PDE10A: variants seen among roughly 807,000 people sequenced by gnomAD.
PDE10A encodes cAMP and cAMP-inhibited cGMP 3',5'-cyclic phosphodiesterase 10A.
PDE10A carries 39 observed loss-of-function variants against 97.7 expected under a neutral mutation model. The observed-to-expected ratio is 0.40, with a 90% confidence interval of 0.31 to 0.52. The LOEUF (loss-of-function observed/expected upper bound fraction) is 0.52. PDE10A is among the 20% of genes least tolerant of loss of function. The probability of loss-of-function intolerance (pLI) is 0.56; values close to 1 mark genes in which losing one functional copy is unlikely to be tolerated. For missense variants in PDE10A, 731 were observed against 1,047.8 expected (o/e 0.70, Z 4.17); for synonymous variants, 371 against 376.8 (o/e 0.98, Z 0.18).
rs1227928669 is a variant in PDE10A, at chr6:165,331,230, G to A, written c.*1795C>T. ...ATTACATCCATCCATATATATATGTGTGTGTATATATCTAGCCACAGTGGT... is the reference window on the plus strand; with the variant it reads ...ATTACATCCATCCATATATATATGTATGTGTATATATCTAGCCACAGTGGT... On this transcript the variant is annotated 3_prime_UTR_variant, in exon 22 of 22. Transcript: ENST00000539869. 2 of 151,944 alleles carry A rather than the reference G, an allele frequency of 1.3e-5. No individual in the cohort carries two copies. Among genetic ancestry groups the A allele is most frequent in the East Asian group, 1.9e-4 (1 of 5,188 alleles). The allele number at this position is 151,944 out of a possible 1,614,324, so 9.4% of individuals were successfully genotyped here.
intron 1 of PDE10A, among the ~76,000 whole-genome samples, chr6:165,547,280 G>A (rs767404320): frequency 6.6e-6 from 1 of 152,030 alleles, no homozygotes; most frequent in Non-Finnish European, 1.5e-5. Context: ...TTCAGCATCT[G>A]GCAGGAGTAC....
rs919603891 is a variant in PDE10A, at chr6:165,662,691, C to G, written c.121G>C (p.Gly41Arg). The change falls in exon 1 of 22, where the codon GGG (glycine) becomes CGG (arginine). Residue 41 changes from glycine to arginine, a missense_variant. Gly to Arg is a moderately radical substitution (Grantham distance 125). Transcript: ENST00000539869. ...GGGCCCGGGCCCGCCGCGCTCCCCC[C>G]GCCGGCCGCGCTGAGCCGGGGTTCC... ...RPEPRLSAAG[G>R]GSAAGPGPAP... 2 of 146,114 alleles carry G rather than the reference C, an allele frequency of 1.4e-5. No homozygotes were observed. Among genetic ancestry groups the G allele is most frequent in the Non-Finnish European group, 3.0e-5 (2 of 65,726 alleles). 9.1% of individuals were successfully genotyped at this position (146,114 alleles called of 1,614,324 possible).
At chr6:165,343,560 C>T in intron 18 of PDE10A, 58 bp from the exon 19 acceptor site, 2 of 1,170,854 alleles carry the variant, frequency 1.7e-6, no homozygotes, top group Non-Finnish European at 2.6e-6. Flanking sequence ...ATAGTAAGGA[C>T]TAGAAAGACT....
intron 1 of PDE10A, among the ~76,000 whole-genome samples, chr6:165,597,605 G>GCA (rs1296847109): frequency 1.3e-5 from 2 of 152,110 alleles, no homozygotes; most frequent in Non-Finnish European, 2.9e-5. Flanking sequence ...TCCAAACGTA[G>GCA]CACATAAACA....
At chr6:165,783,731 A>G (rs76588115) in intron 1 of PDE10A, among the ~76,000 whole-genome samples, 3,707 of 152,278 alleles carry the variant, frequency 0.024, 147 homozygotes, top group African/African-American at 0.081. Context: ...TGTGACAAAG[A>G]CTGAGATCTA....
At chr6:165,603,934 A>T (rs954318414) in intron 1 of PDE10A, among the ~76,000 whole-genome samples, 1 of 152,196 alleles carries the variant, frequency 6.6e-6, no homozygotes, top group Non-Finnish European at 1.5e-5. Flanking sequence ...GATCATGCAA[A>T]CTGGAGCTAT....
chr6:165,799,340 TTC>T (rs1251343080), intron 1 of PDE10A, among the ~76,000 whole-genome samples: 4 of 152,246 alleles, frequency 2.6e-5, no homozygotes, highest in Non-Finnish European at 4.4e-5. Context: ...GAGGTCATTT[TTC>T]TTTTTTACAA....
At chr6:165,634,151 A>G (rs1281241526) in intron 1 of PDE10A, among the ~76,000 whole-genome samples, 4 of 152,134 alleles carry the variant, frequency 2.6e-5, no homozygotes, top group African/African-American at 9.7e-5. Context: ...TTGCGTTTTT[A>G]GTATAATTTC....
In PDE10A at chr6:165,987,615, G is replaced by GA. The variant is rs751869225; in HGVS notation, c.-702dup. 631 of 408,832 alleles carry GA rather than the reference G, an allele frequency of 1.5e-3. 1 individual carries two copies. The highest frequency in any genetic ancestry group is 6.9e-3 in the African/African-American group (325 of 47,306). 25.3% of individuals were successfully genotyped at this position (408,832 alleles called of 1,614,324 possible). On this transcript the variant is annotated 5_prime_UTR_variant, in exon 1 of 20. Transcript: ENST00000366882. Reference sequence around the variant, plus strand: ...AAAGAGACAGTGAGAGAAAGAAAAAGAAAAAAAAAGGCAAGGCGCCGGGAG... The same window carrying GA: ...AAAGAGACAGTGAGAGAAAGAAAAAGAAAAAAAAAAGGCAAGGCGCCGGGAG...
At position 165,673,944 on chromosome 6, in the gene PDE10A, C is replaced by T. The variant is rs756404414; in HGVS notation, c.-614-130376G>A. 5.6e-4 allele frequency among the ~76,000 whole-genome samples: 84 copies of T among 151,146 alleles called. No homozygotes were observed. The Middle Eastern group carries it at 0.01, about 18-fold the overall frequency. On this transcript the variant is annotated intron_variant, in intron 1 of 19. Coordinates refer to the PDE10A transcript ENST00000366882. ...ATTAGTTTAGTTGAGTTTTGGATTA[C>T]GATAAAATAATGTGACTTGAAAGAT... is the stretch of plus-strand genomic sequence containing the variant.
rs1408339763 is a variant in PDE10A at position 165,708,884 on chromosome 6, CCGCCA to C, written c.-614-165321_-614-165317del. Among the ~76,000 whole-genome samples the C allele has an allele frequency of 1.6e-3, 55 of 33,950 alleles. 8 individuals are homozygous for C. The highest frequency in any genetic ancestry group is 0.013 in the South Asian group (8 of 614). 22.3% of individuals were successfully genotyped at this position (33,950 alleles called of 152,430 possible). The stretch of plus-strand genomic sequence containing the variant: ...TGCCACGCTCACCCCCCACTCTCCA[CCGCCA>C]TGCTGCCACGCTCACCCCCCACTCT... On this transcript the variant is annotated intron_variant, in intron 1 of 19. Coordinates refer to the PDE10A transcript ENST00000366882.
intron 18 of PDE10A, among the ~76,000 whole-genome samples, chr6:165,363,530 A>T (rs543421249): frequency 6.6e-6 from 1 of 152,154 alleles, no homozygotes; most frequent in South Asian, 2.1e-4. Flanking sequence ...AAGAAAAAAA[A>T]AACAGAAAAG....
At chr6:165,905,357 G>C (rs1049568980) in intron 1 of PDE10A, among the ~76,000 whole-genome samples, 5 of 151,954 alleles carry the variant, frequency 3.3e-5, no homozygotes, top group African/African-American at 1.2e-4. Flanking sequence ...GTTATTTCTA[G>C]CCTAAGTTTA....
intron 18 of PDE10A, among the ~76,000 whole-genome samples, chr6:165,360,292 C>G (rs551606291): frequency 6.6e-6 from 1 of 152,180 alleles, no homozygotes; most frequent in Non-Finnish European, 1.5e-5. Flanking sequence ...TCAGGCCCAG[C>G]CACTGACCCG....
At chr6:165,425,770 C>CGTATGTGT (rs1554260323) in intron 10 of PDE10A, among the ~76,000 whole-genome samples, 1 of 144,036 alleles carries the variant, frequency 6.9e-6, no homozygotes, top group African/African-American at 2.6e-5. Context: ...AAGGCATGAT[C>CGTATGTGT]GTGTGTGTGT....
chr6:165,634,157 A>C (rs932893584), intron 1 of PDE10A, among the ~76,000 whole-genome samples: 1 of 152,082 alleles, frequency 6.6e-6, no homozygotes, highest in Non-Finnish European at 1.5e-5. Flanking sequence ...TTTTAGTATA[A>C]TTTCAGGCCA....
At position 165,506,125 on chromosome 6, in the gene PDE10A, T is replaced by C. The variant is rs143967822; in HGVS notation, c.995-23782A>G. Among the ~76,000 whole-genome samples the C allele has an allele frequency of 1.7e-3, 260 of 152,266 alleles. 1 individual carries two copies. The highest frequency in any genetic ancestry group is 6.0e-3 in the African/African-American group (249 of 41,560). On this transcript the variant is annotated intron_variant, in intron 2 of 21. Transcript: ENST00000539869. ...CAACATAACTATATAAGTACTTTTG[T>C]TGGTTTTTTTCCCCACTAAAATGGC... is the stretch of plus-strand genomic sequence containing the variant.
intron 1 of PDE10A, among the ~76,000 whole-genome samples, chr6:165,590,461 A>G (rs1451027727): frequency 6.6e-6 from 1 of 152,240 alleles, no homozygotes; most frequent in African/African-American, 2.4e-5. Context: ...CACAGCAAAC[A>G]TAAAGAGTAT....
intron 1 of PDE10A, among the ~76,000 whole-genome samples, chr6:165,765,926 G>C (rs1777836699): frequency 6.6e-6 from 1 of 152,236 alleles, no homozygotes; most frequent in Non-Finnish European, 1.5e-5. Flanking sequence ...TGAAGCAACT[G>C]GTTGAAAACT....
Sources: gnomAD v4.1 joint callset for allele counts (sites outside exome capture counted in the v4.1 genomes callset) on GRCh38, gnomAD v4.1.1 for gene constraint, MANE v1.5 for transcripts, NCBI Gene and HGNC (gene_info 2026-07-23, HGNC 2026-07-21) for gene names.